AATK: variants seen among roughly 807,000 people sequenced by gnomAD.
AATK encodes lemur tail kinase 1, also known as serine/threonine-protein kinase LMTK1.
AATK carries 91 observed loss-of-function variants against 114.3 expected under a neutral mutation model. The ratio of observed to expected loss-of-function variants is 0.80; its 90% CI spans 0.67 to 0.95. The LOEUF (loss-of-function observed/expected upper bound fraction) is 0.95. AATK is among the 40% of genes least tolerant of loss of function. AATK has a pLI of 0.00. For synonymous variants in AATK, 1,075 were observed against 916.5 expected, an observed-to-expected ratio of 1.17 and a Z score of -3.12; for missense variants, 2,176 against 1,965.2, an observed-to-expected ratio of 1.11 and a Z score of -2.03.
intron 12 of AATK, among the ~76,000 whole-genome samples, 154 bp downstream of exon 12, chr17:81,119,782 G>A (rs1422513547): frequency 2.0e-5 from 3 of 148,838 alleles, no homozygotes; most frequent in African/African-American, 7.5e-5. Context: ...TACCAGACCC[G>A]CCTCCCATGA....
In AATK at chr17:81,147,071, G is replaced by A. The variant is rs540022949; in HGVS notation, c.56-12570C>T. 2.6e-5 allele frequency among the ~76,000 whole-genome samples: 4 copies of A among 151,306 alleles called. No homozygotes were observed. The South Asian group carries it at 8.3e-4, about 32-fold the overall frequency. On this transcript the variant is annotated intron_variant, in intron 1 of 13. Transcript: ENST00000326724. ...GTTCATTGCAGTGGTATTTATAAGA[G>A]CAAAAAAGAGGCCAGGCCTGGTGGC...
intron 1 of AATK, among the ~76,000 whole-genome samples, chr17:81,147,101 G>C (rs6565537): frequency 0.46 from 68,945 of 149,456 alleles, 15,464 homozygotes; most frequent in African/African-American, 0.49. Flanking sequence ...GGTGGCTCCC[G>C]CCTGTAATCT....
At chr17:81,119,880 C>G in intron 12 of AATK, 56 bp downstream of exon 12, 1 of 1,402,230 alleles carries the variant, frequency 7.1e-7, no homozygotes, top group African/African-American at 1.5e-5. Context: ...TCCCACACAG[C>G]ACGGACCAGG....
At chr17:81,130,064 G>T (rs74002049) in intron 3 of AATK, among the ~76,000 whole-genome samples, 3,518 of 152,332 alleles carry the variant, frequency 0.023, 139 homozygotes, top group African/African-American at 0.079. Flanking sequence ...TCAGGGCCCA[G>T]CCAGGCACAG....
chr17:81,159,246 C>T (rs1040674196), intron 1 of AATK, among the ~76,000 whole-genome samples: 1 of 152,214 alleles, frequency 6.6e-6, no homozygotes, highest in East Asian at 1.9e-4. Context: ...CCAGCGTCCA[C>T]GATAGCAGCC....
chr17:81,131,422 C>T (rs72854189), intron 2 of AATK, among the ~76,000 whole-genome samples: 7,323 of 152,266 alleles, frequency 0.048, 215 homozygotes, highest in South Asian at 0.063. Flanking sequence ...CCCACGCCCC[C>T]GACCAGAGGC....
rs1310984585 is a variant in AATK at position 81,126,903 on chromosome 17, T to C, written c.622-343A>G. 3 of 1,098,138 alleles carry C rather than the reference T, an allele frequency of 2.7e-6. No homozygotes were observed. The highest frequency in any genetic ancestry group is 3.4e-6 in the Non-Finnish European group (3 of 887,724). The allele number at this position is 1,098,138 out of a possible 1,614,324, so 68.0% of individuals were successfully genotyped here. A position where few individuals can be genotyped will look rare whatever the true frequency, so the allele number is the denominator to read the frequency against. ...TGGTCGAGGGTTGGCCGGCAGCCCC[T>C]GACCTGCCGAAAGCCCAGCCCCGGG... is the stretch of plus-strand genomic sequence containing the variant. On this transcript the variant is annotated intron_variant, in intron 6 of 13. Transcript: ENST00000326724. This position sits in a 1 kb window ranked among gnomAD's most constrained non-coding sequence, Gnocchi z 5.1.
At chr17:81,127,276 A>ACG (rs1259256791) in intron 6 of AATK, among the ~76,000 whole-genome samples, 3 of 146,100 alleles carry the variant, frequency 2.1e-5, no homozygotes, top group Non-Finnish European at 4.6e-5. Context: ...GCCCCCCCCC[A>ACG]GTTGGCCCAG....
At chr17:81,163,929 C>T (rs1208268880) in intron 1 of AATK, among the ~76,000 whole-genome samples, 2 of 152,248 alleles carry the variant, frequency 1.3e-5, no homozygotes, top group African/African-American at 4.8e-5. Flanking sequence ...ACACACAAGC[C>T]AACTGCCAGA....
At chr17:81,144,805 G>A (rs1176437096) in intron 1 of AATK, among the ~76,000 whole-genome samples, 1 of 152,202 alleles carries the variant, frequency 6.6e-6, no homozygotes, top group Admixed American at 6.5e-5. Flanking sequence ...CTAACAGCGT[G>A]GAAAAAGAAA....
chr17:81,150,109 GGGGATGGGGAGGGACCACTGATGGGT>G (rs1395264112), intron 1 of AATK, among the ~76,000 whole-genome samples: 4 of 152,092 alleles, frequency 2.6e-5, no homozygotes, highest in African/African-American at 9.7e-5. Flanking sequence ...CTGAGGGGAG[GGGGATGGGGAGGGACCACTGATGGGT>G]GCGGGGCTTC....
rs762229882 is a variant in AATK, at chr17:81,119,451, G to A, written c.4013C>T (p.Thr1338Met). 5.9e-6 allele frequency: 9 copies of A among 1,516,754 alleles called. No homozygotes were observed. The highest frequency in any genetic ancestry group is 1.8e-4 in the Middle Eastern group (1 of 5,664). The allele number at this position is 1,516,754 out of a possible 1,614,324, so 94.0% of individuals were successfully genotyped here. The change falls in exon 13 of 14, where the codon ACG becomes ATG. Residue 1338 changes from threonine to methionine, a missense_variant. Physicochemically the swap from Thr to Met is moderately conservative, Grantham distance 81 (BLOSUM62 -1). Coordinates refer to ENST00000326724, the MANE Select transcript of AATK (RefSeq NM_001080395.3). ...TPTPAPFSRFTVSPAPTSRFS... is the reference protein window; with the variant it reads ...TPTPAPFSRFMVSPAPTSRFS... ...GCGGGACGTGGGCGCGGGCGACACC[G>A]TGAAGCGCGAGAAGGGAGCGGGCGT...
chr17:81,140,582 G>A (rs2061107286), intron 1 of AATK, among the ~76,000 whole-genome samples: 1 of 150,988 alleles, frequency 6.6e-6, no homozygotes, highest in Non-Finnish European at 1.5e-5. Context: ...GTCATCCCGA[G>A]GGTCTTTGGA....
chr17:81,151,967 G>T (rs193021397), intron 1 of AATK, among the ~76,000 whole-genome samples: 1 of 152,124 alleles, frequency 6.6e-6, no homozygotes, highest in Non-Finnish European at 1.5e-5. Context: ...GCAGTGCCAC[G>T]CTTGCCTTCA....
Position 81,117,474 on chromosome 17 carries a change from G to A in AATK, c.*928C>T, listed in dbSNP as rs2060578882. ...ACTTCCATTCGCTCCAACCACAGCA[G>A]TTAGTTAGTTACAAAAATATTCCCT... On this transcript the variant is annotated 3_prime_UTR_variant, in exon 14 of 14. Transcript: ENST00000326724. The A allele has an allele frequency of 6.8e-6, 1 of 147,734 alleles. No individual in the cohort carries two copies. Among genetic ancestry groups the A allele is most frequent in the African/African-American group, 2.7e-5 (1 of 37,316 alleles). The allele number at this position is 147,734 out of a possible 1,614,324, so 9.2% of individuals were successfully genotyped here.
chr17:81,141,928 C>CTTCCTTCCT (rs60116498), intron 1 of AATK, among the ~76,000 whole-genome samples: 26,029 of 76,270 alleles, frequency 0.34, 2,776 homozygotes, highest in South Asian at 0.42. Context: ...TCCTTCCTTC[C>CTTCCTTCCT]TTCCTTCCTT....
chr17:81,130,345 A>G (rs1279900056), intron 3 of AATK, among the ~76,000 whole-genome samples: 1 of 152,120 alleles, frequency 6.6e-6, no homozygotes, highest in African/African-American at 2.4e-5. Flanking sequence ...CTAGGCTCCA[A>G]GACAGAACTG....
Position 81,124,809 on chromosome 17 carries a change from G to A in AATK, c.880C>T (p.Leu294=). The A allele has an allele frequency of 6.2e-7, 1 of 1,612,628 alleles. No homozygotes were observed. Among genetic ancestry groups the A allele is most frequent in the Non-Finnish European group, 8.5e-7 (1 of 1,179,736 alleles). Residue 294 remains leucine, a synonymous_variant, in exon 9 of 14, where the codon CTG becomes TTG. Coordinates refer to ENST00000326724, the MANE Select transcript of AATK (RefSeq NM_001080395.3). ...FVTADQLWVP[L]RWIAPELVDE... Reference sequence around the variant, plus strand: ...ACCAGCTCTGGCGCGATCCAGCGCAGAGGCACCCACAGCTGGTCGGCAGTC... The same window carrying A: ...ACCAGCTCTGGCGCGATCCAGCGCAAAGGCACCCACAGCTGGTCGGCAGTC...
chr17:81,120,574 G>T lies in AATK; in HGVS notation c.3362C>A (p.Pro1121Gln). 6.5e-7 allele frequency: 1 copy of T among 1,529,874 alleles called. No homozygotes were observed. Among genetic ancestry groups the T allele is most frequent in the East Asian group, 2.4e-5 (1 of 41,884 alleles). The allele number at this position is 1,529,874 out of a possible 1,614,324, so 94.8% of individuals were successfully genotyped here. ...EGNSSEFQGP[P>Q]GLLSGPAPQK... ...TGGGGCCGGCCCTGACAACAGTCCT[G>T]GGGGCCCCTGGAACTCAGAGCTGTT... The change falls in exon 11 of 14, where the codon CCA (proline) becomes CAA (glutamine). Residue 1121 changes from proline to glutamine, a missense_variant. By Grantham distance (76) the Pro-to-Gln change is moderately conservative. Coordinates refer to ENST00000326724, the MANE Select transcript of AATK (RefSeq NM_001080395.3).
Sources: allele counts gnomAD v4.1 joint callset (sites outside exome capture counted in the v4.1 genomes callset), GRCh38; gene constraint gnomAD v4.1.1; non-coding constraint Gnocchi (gnomAD v3.1); transcripts MANE v1.5; gene names NCBI Gene and HGNC (gene_info 2026-07-23, HGNC 2026-07-21).